Variants in ACTR3C observed in about 807,000 individuals in gnomAD.
ACTR3C encodes actin related protein 3C.
ACTR3C carries 18 observed loss-of-function variants against 26.3 expected under a neutral mutation model. The ratio of observed to expected loss-of-function variants is 0.68; its 90% CI spans 0.47 to 1.01. ACTR3C has a LOEUF of 1.01. Ranked by LOEUF, ACTR3C falls within the 50% of genes least tolerant of loss-of-function variation. The probability of loss-of-function intolerance (pLI) is 0.00; values close to 1 mark genes in which losing one functional copy is unlikely to be tolerated. For missense variants in ACTR3C, 184 were observed against 250.7 expected (o/e 0.73, Z 1.80); for synonymous variants, 55 against 94.5 (o/e 0.58, Z 2.42).
At chr7:150,043,152 C>G in the ACTR3C span, among the ~76,000 whole-genome samples, 24 of 150,538 alleles carry the variant, frequency 1.6e-4, no homozygotes, top group African/African-American at 5.6e-4. Context: ...CGTTCGGACC[C>G]ATGTCTTATT....
At chr7:150,038,086 C>G in the ACTR3C span, among the ~76,000 whole-genome samples, 1 of 141,168 alleles carries the variant, frequency 7.1e-6, no homozygotes, top group Admixed American at 6.9e-5. Flanking sequence ...CGGGGGGTGC[C>G]TCCCCCCCTG....
chr7:149,996,162 G>A, the ACTR3C span, among the ~76,000 whole-genome samples: 13 of 152,374 alleles, frequency 8.5e-5, no homozygotes, highest in African/African-American at 2.9e-4. Flanking sequence ...CCAGCAGTGC[G>A]GAAGCCCTCG....
At chr7:150,046,504 C>T in the ACTR3C span, among the ~76,000 whole-genome samples, 1 of 150,794 alleles carries the variant, frequency 6.6e-6, no homozygotes, top group Non-Finnish European at 1.5e-5. Flanking sequence ...AAGTGAGAGG[C>T]CGGTGGGACC....
At chr7:149,993,514 T>C in the ACTR3C span, among the ~76,000 whole-genome samples, 2 of 152,156 alleles carry the variant, frequency 1.3e-5, no homozygotes, top group African/African-American at 4.8e-5. Context: ...ATGCCATCAG[T>C]ATGGCTGATG....
At chr7:149,989,645 G>T in the ACTR3C span, among the ~76,000 whole-genome samples, 1 of 152,170 alleles carries the variant, frequency 6.6e-6, no homozygotes, top group Admixed American at 6.5e-5. Flanking sequence ...ATTCCATTGT[G>T]TGCATACACC....
At chr7:150,208,053 C>A in the ACTR3C span, among the ~76,000 whole-genome samples, 4 of 152,094 alleles carry the variant, frequency 2.6e-5, no homozygotes, top group African/African-American at 9.7e-5. Context: ...CAACATATTT[C>A]GAGACACTGG....
the ACTR3C span, among the ~76,000 whole-genome samples, chr7:150,091,987 CAAAAAAAAAAAAA>C: frequency 2.6e-4 from 5 of 19,414 alleles, no homozygotes; most frequent in Non-Finnish European, 5.1e-4. Context: ...GACTCCGTCT[CAAAAAAAAAAAAA>C]AAAAAAAAAA....
At chr7:150,079,523 T>C in the ACTR3C span, among the ~76,000 whole-genome samples, 1 of 152,058 alleles carries the variant, frequency 6.6e-6, no homozygotes, top group Admixed American at 6.6e-5. Context: ...ACGGGATGGG[T>C]CCTCATCTTA....
At chr7:150,309,870 G>A (rs1033909397) in intron 1 of ACTR3C, among the ~76,000 whole-genome samples, 3 of 152,158 alleles carry the variant, frequency 2.0e-5, no homozygotes, top group Non-Finnish European at 2.9e-5. Flanking sequence ...CATCATGGAC[G>A]CCGAGCTTCG....
chr7:150,304,983 G>A (rs1205233952), intron 1 of ACTR3C, among the ~76,000 whole-genome samples: 2 of 152,048 alleles, frequency 1.3e-5, no homozygotes, highest in African/African-American at 2.4e-5. Flanking sequence ...ATGTCTGCCC[G>A]GGCTCCTTAA....
At chr7:149,964,004 G>A in the ACTR3C span, among the ~76,000 whole-genome samples, 1 of 152,124 alleles carries the variant, frequency 6.6e-6, no homozygotes, top group East Asian at 1.9e-4. Context: ...AGGCAAAGTA[G>A]GATAGCATTA....
At chr7:150,256,045 T>C (rs183008271) in intron 6 of ACTR3C, among the ~76,000 whole-genome samples, 2 of 152,322 alleles carry the variant, frequency 1.3e-5, no homozygotes, top group East Asian at 1.9e-4. Context: ...CAATTGGTTA[T>C]CACTAAGTTG....
the ACTR3C span, among the ~76,000 whole-genome samples, chr7:150,126,987 T>C: frequency 6.6e-6 from 1 of 152,204 alleles, no homozygotes; most frequent in African/African-American, 2.4e-5. Context: ...GTGCAAAATA[T>C]TACAGGTACT....
chr7:149,993,996 A>C, the ACTR3C span, among the ~76,000 whole-genome samples: 1 of 152,240 alleles, frequency 6.6e-6, no homozygotes, highest in Non-Finnish European at 1.5e-5. Context: ...AGAGAGGAAC[A>C]GCAATGATTA....
chr7:150,073,094 GGT>G, the ACTR3C span, among the ~76,000 whole-genome samples: 1 of 152,186 alleles, frequency 6.6e-6, no homozygotes, highest in African/African-American at 2.4e-5. Flanking sequence ...GGTGTTAGGA[GGT>G]GGGGACTTTG....
At chr7:149,949,211 C>T in the ACTR3C span, among the ~76,000 whole-genome samples, 2 of 145,970 alleles carry the variant, frequency 1.4e-5, no homozygotes, top group Admixed American at 6.7e-5. Flanking sequence ...TACACACACA[C>T]ACACACACAC....
At chr7:150,158,134 G>A in the ACTR3C span, among the ~76,000 whole-genome samples, 2 of 152,132 alleles carry the variant, frequency 1.3e-5, no homozygotes, top group African/African-American at 4.8e-5. Context: ...AATCAAAACC[G>A]CAATGTGACA....
chr7:149,963,476 C>A, the ACTR3C span, among the ~76,000 whole-genome samples: 1 of 152,188 alleles, frequency 6.6e-6, no homozygotes. Context: ...AAAGCACTTC[C>A]TCATTTATCC....
chr7:149,969,030 C>T, the ACTR3C span, among the ~76,000 whole-genome samples: 1 of 151,958 alleles, frequency 6.6e-6, no homozygotes, highest in African/African-American at 2.4e-5. Context: ...ATTTCAGCTT[C>T]TCTCTGTGAG....
Sources: allele counts gnomAD v4.1 joint callset (sites outside exome capture counted in the v4.1 genomes callset), GRCh38; gene constraint gnomAD v4.1.1; transcripts MANE v1.5; gene names NCBI Gene and HGNC (gene_info 2026-07-23, HGNC 2026-07-21).